Variants in DNAH3 observed in about 807,000 individuals in gnomAD.
DNAH3 encodes the protein axonemal beta dynein heavy chain 3.
DNAH3 carries 332 observed loss-of-function variants against 432.5 expected under a neutral mutation model. That is an observed-to-expected ratio of 0.77 (90% CI 0.70 to 0.84). DNAH3 has a LOEUF of 0.84. Among genes scored for constraint, DNAH3 ranks in the 40% least tolerant of loss-of-function variants. The pLI, the probability that DNAH3 is intolerant of heterozygous loss-of-function variation, is 0.00. For synonymous variants in DNAH3, 1,956 were observed against 1,900.2 expected (o/e 1.03, Z -0.76); for missense variants, 4,861 against 5,114.0 (o/e 0.95, Z 1.51).
In DNAH3 at chr16:21,019,249, C is replaced by T. The variant is rs370358130; in HGVS notation, c.6022+375G>A. On this transcript the variant is annotated intron_variant, in intron 41 of 61. Transcript: ENST00000261383. Reference sequence around the variant, plus strand: ...TCAGCTCACTGCAACCTCTACCTCCCGGACTCAAGCAATCCTCCTGCCTCA... The same window carrying T: ...TCAGCTCACTGCAACCTCTACCTCCTGGACTCAAGCAATCCTCCTGCCTCA... 1.6e-4 allele frequency: 36 copies of T among 228,086 alleles called. No individual in the cohort carries two copies. In the South Asian group the frequency reaches 2.0e-3, roughly 13 times the overall value. 14.1% of individuals were successfully genotyped at this position (228,086 alleles called of 1,614,324 possible). A position where few individuals can be genotyped will look rare whatever the true frequency, so the allele number is the denominator to read the frequency against.
At chr16:20,951,606 G>T (rs761797119) in intron 56 of DNAH3, among the ~76,000 whole-genome samples, 6 of 151,714 alleles carry the variant, frequency 4.0e-5, no homozygotes, top group Non-Finnish European at 8.8e-5. Flanking sequence ...ACCACGCCTG[G>T]CTAATTTTTG....
At chr16:21,041,874 C>T (rs1177227206) in intron 32 of DNAH3, among the ~76,000 whole-genome samples, 153 bp downstream of exon 32, 4 of 152,082 alleles carry the variant, frequency 2.6e-5, no homozygotes, top group Non-Finnish European at 5.9e-5. Flanking sequence ...GGTTTCACCA[C>T]ATTGGACAGG....
exon 57 of DNAH3, chr16:20,948,491 A>G (rs1203868321): frequency 1.2e-6 from 2 of 1,613,454 alleles, no homozygotes; most frequent in Non-Finnish European, 1.7e-6. Context: ...ACCTGGTAGG[A>G]GCCATGAGGA....
At chr16:21,116,295 T>C (rs971402038) in intron 12 of DNAH3, among the ~76,000 whole-genome samples, 14 of 151,964 alleles carry the variant, frequency 9.2e-5, no homozygotes, top group Non-Finnish European at 1.8e-4. Flanking sequence ...GTTCCCATAA[T>C]CCCCACGTGT....
chr16:21,117,980 GTTTTT>G (rs58911431), intron 11 of DNAH3, among the ~76,000 whole-genome samples: 1 of 151,060 alleles, frequency 6.6e-6, no homozygotes, highest in Non-Finnish European at 1.5e-5. Context: ...TCTCTCGTGG[GTTTTT>G]TTTTGTTTTG....
intron 5 of DNAH3, among the ~76,000 whole-genome samples, chr16:21,139,320 C>CTTTTTTTTTT (rs9302391): frequency 0.023 from 688 of 29,630 alleles, 189 homozygotes; most frequent in East Asian, 0.061. Context: ...TTTCCTCATG[C>CTTTTTTTTTT]TTTTTTTTTT....
rs2084168740 is a variant in DNAH3, at chr16:20,948,655, A to G, written c.11189-18T>C. 1.2e-6 allele frequency: 2 copies of G among 1,613,852 alleles called. No individual in the cohort carries two copies. The highest frequency in any genetic ancestry group is 8.5e-7 in the Non-Finnish European group (1 of 1,179,898). ...ACATTCCCCTGGGGACAACCAACAG[A>G]AGGAGAGGTTGAGCCCAGGGAAGGT... On this transcript the variant is annotated intron_variant, in intron 56 of 61. Coordinates refer to ENST00000261383, the Ensembl canonical transcript of DNAH3.
Position 21,075,433 on chromosome 16 carries a change from G to T in DNAH3, c.3084+14C>A, listed in dbSNP as rs760714221. On this transcript the variant is annotated intron_variant, in intron 21 of 61. Coordinates refer to ENST00000261383, the Ensembl canonical transcript of DNAH3. ...GCTGCTTTCAAAAGGGGCTGCGGTT[G>T]CAGTGAGACTCACAGTGTCCCTGTA... is the stretch of plus-strand genomic sequence containing the variant. The T allele has an allele frequency of 2.6e-6, 4 of 1,568,122 alleles. No individual in the cohort carries two copies. Among genetic ancestry groups the T allele is most frequent in the African/African-American group, 1.3e-5 (1 of 74,142 alleles).
intron 38 of DNAH3, among the ~76,000 whole-genome samples, chr16:21,025,305 T>C (rs986945751): frequency 6.7e-6 from 1 of 150,266 alleles, no homozygotes; most frequent in Non-Finnish European, 1.5e-5. Context: ...TACCATGTTA[T>C]AGATAATATT....
intron 9 of DNAH3, 45 bp downstream of exon 10, chr16:21,125,130 C>T (rs753540215): frequency 6.7e-7 from 1 of 1,486,232 alleles, no homozygotes; most frequent in Non-Finnish European, 9.1e-7. Context: ...ACCAAGTAAC[C>T]AGGTTATTCC....
intron 60 of DNAH3, 39 bp downstream of exon 60, chr16:20,936,610 A>C (rs1402230556): frequency 6.5e-7 from 1 of 1,542,814 alleles, no homozygotes; most frequent in South Asian, 1.2e-5. Flanking sequence ...CACCTAAGCA[A>C]GCATGCCAGG....
In DNAH3 at chr16:21,000,316, T is replaced by C. The variant is rs777446060; in HGVS notation, c.6329A>G (p.Asn2110Ser). The C allele has an allele frequency of 1.5e-5, 25 of 1,614,050 alleles. No individual in the cohort carries two copies. The highest frequency in any genetic ancestry group is 6.7e-5 in the East Asian group (3 of 44,900). ...GGACATGATGATATCCTGGGTCTGA[T>C]TGGCTGAGGTTCTGGCAGAGAAATT... Residue 2110 changes from asparagine to serine, a missense_variant, in exon 43 of 62, where the codon AAT (asparagine) becomes AGT (serine). By Grantham distance (46) the Asn-to-Ser change is conservative (BLOSUM62 1). Coordinates refer to ENST00000261383, the Ensembl canonical transcript of DNAH3.
In DNAH3 at chr16:21,054,270, C is replaced by G. The variant is rs2090056346; in HGVS notation, c.4039+150G>C. 9.6e-6 allele frequency: 6 copies of G among 626,188 alleles called. No homozygotes were observed. The South Asian group carries it at 1.0e-4, about 10-fold the overall frequency. The allele number at this position is 626,188 out of a possible 1,614,324, so 38.8% of individuals were successfully genotyped here. ...AACACAGGTGGAGGGATGCAGAGCC[C>G]TTTGGCTCTCATCTTACTCTCAGTT... On this transcript the variant is annotated intron_variant, in intron 28 of 61. Transcript: ENST00000261383.
chr16:21,052,164 G>A (rs553797357), intron 28 of DNAH3, among the ~76,000 whole-genome samples: 1 of 151,998 alleles, frequency 6.6e-6, no homozygotes, highest in East Asian at 1.9e-4. Flanking sequence ...GCTAATTTTT[G>A]TATTTTTAGT....
intron 19 of DNAH3, among the ~76,000 whole-genome samples, chr16:21,084,736 G>A (rs1597343478): frequency 6.6e-6 from 1 of 152,140 alleles, no homozygotes; most frequent in Non-Finnish European, 1.5e-5. Flanking sequence ...GCCTCCTAAA[G>A]TGCTGAGATT....
chr16:21,022,603 TG>T (rs2088301443), intron 39 of DNAH3, among the ~76,000 whole-genome samples: 1 of 152,182 alleles, frequency 6.6e-6, no homozygotes, highest in African/African-American at 2.4e-5. Flanking sequence ...TGTTCTTCTT[TG>T]GGGTTATCAT....
At chr16:21,147,355 A>G (rs1418946384) in intron 1 of DNAH3, among the ~76,000 whole-genome samples, 1 of 151,624 alleles carries the variant, frequency 6.6e-6, no homozygotes, top group African/African-American at 2.4e-5. Flanking sequence ...AAGAAGCTGG[A>G]TGGGTGCCCA....
chr16:20,979,596 G>A (rs754609260), intron 49 of DNAH3, 50 bp from the exon 50 acceptor site: 5 of 1,523,840 alleles, frequency 3.3e-6, no homozygotes, highest in Non-Finnish European at 4.5e-6. Context: ...CTTCCAGGGA[G>A]ATCCAGTACA....
At chr16:21,075,331 A>T (rs1244593601) in intron 21 of DNAH3, 116 bp downstream of exon 21, 1 of 768,192 alleles carries the variant, frequency 1.3e-6, no homozygotes, top group Non-Finnish European at 2.3e-6. Context: ...CAATCAAGAC[A>T]TGAGCGATTA....
Sources: allele counts gnomAD v4.1 joint callset (sites outside exome capture counted in the v4.1 genomes callset), GRCh38; gene constraint gnomAD v4.1.1; transcripts MANE v1.5; gene names NCBI Gene and HGNC (gene_info 2026-07-23, HGNC 2026-07-21).